Variants in RNLS observed in about 807,000 individuals in gnomAD.
RNLS encodes renalase.
A neutral mutation model predicts 39.8 loss-of-function variants in RNLS; 39 were observed. The ratio of observed to expected loss-of-function variants is 0.98; its 90% CI spans 0.76 to 1.28. RNLS has a LOEUF of 1.28. Among genes scored for constraint, RNLS ranks in the 50% most tolerant of loss-of-function variants. The pLI is 0.00. For synonymous variants in RNLS, 147 were observed against 150.7 expected (o/e 0.98, Z 0.18); for missense variants, 410 against 413.3 (o/e 0.99, Z 0.07).
intron 4 of RNLS, among the ~76,000 whole-genome samples, chr10:88,413,425 A>C (rs1401327777): frequency 2.0e-5 from 3 of 152,196 alleles, no homozygotes; most frequent in Admixed American, 2.0e-4. Flanking sequence ...TGAAAATAGC[A>C]AAGGACAGCG....
At chr10:88,353,630 A>T (rs554322320) in intron 5 of RNLS, among the ~76,000 whole-genome samples, 1 of 152,188 alleles carries the variant, frequency 6.6e-6, no homozygotes, top group Non-Finnish European at 1.5e-5. Context: ...TTTACTTCCA[A>T]CTATGTGGTC....
At chr10:88,266,735 A>ACACACC in the RNLS span, among the ~76,000 whole-genome samples, 9 of 137,374 alleles carry the variant, frequency 6.6e-5, no homozygotes, top group South Asian at 4.6e-4. Flanking sequence ...ACACACACAC[A>ACACACC]CCCCACACAC....
chr10:88,326,542 T>C (rs1846627105), intron 5 of RNLS, among the ~76,000 whole-genome samples: 1 of 152,202 alleles, frequency 6.6e-6, no homozygotes, highest in Admixed American at 6.5e-5. Context: ...GTCTGTGTGC[T>C]CTTAAAAGCA....
chr10:88,221,414 T>A, the RNLS span, among the ~76,000 whole-genome samples: 699 of 152,330 alleles, frequency 4.6e-3, 4 homozygotes, highest in African/African-American at 0.016. Flanking sequence ...ATAAACTGCT[T>A]CTTGCCTGGG....
At chr10:88,253,483 G>A in the RNLS span, among the ~76,000 whole-genome samples, 1 of 152,174 alleles carries the variant, frequency 6.6e-6, no homozygotes, top group Admixed American at 6.5e-5. Context: ...CTGCTGGGGT[G>A]GGTGTGGGAT....
At chr10:88,457,197 C>G (rs1419180726) in intron 4 of RNLS, among the ~76,000 whole-genome samples, 3 of 152,152 alleles carry the variant, frequency 2.0e-5, no homozygotes, top group Non-Finnish European at 4.4e-5. Flanking sequence ...AAGCAGTTTA[C>G]CCCATTTACT....
rs576219129 is a variant in RNLS, at chr10:88,448,318, C to A, written c.527-85593G>T. On this transcript the variant is annotated intron_variant, in intron 4 of 6. Transcript: ENST00000331772. ...AAATTTACAAGAAAAAAACAAACAA[C>A]CCCATCAAAAAGTGGGCAAAAGATA... Among the ~76,000 whole-genome samples the A allele has an allele frequency of 2.6e-5, 4 of 152,236 alleles. No homozygotes were observed. In the South Asian group the frequency reaches 8.3e-4, roughly 32 times the overall value.
chr10:88,418,081 C>CT (rs35536346), intron 4 of RNLS, among the ~76,000 whole-genome samples: 1 of 143,926 alleles, frequency 6.9e-6, no homozygotes, highest in Non-Finnish European at 1.5e-5. Context: ...GAGCTTTTGT[C>CT]TTTTTTTTTT....
intron 4 of RNLS, among the ~76,000 whole-genome samples, chr10:88,474,466 C>T (rs968599645): frequency 1.3e-5 from 2 of 152,134 alleles, no homozygotes; most frequent in African/African-American, 4.8e-5. Context: ...TCCAGTATTC[C>T]CACAACCAAA....
chr10:88,264,655 T>A, the RNLS span, among the ~76,000 whole-genome samples: 1 of 152,254 alleles, frequency 6.6e-6, no homozygotes, highest in African/African-American at 2.4e-5. Context: ...TGTCTATTCA[T>A]GTCCTTAGCC....
At chr10:88,215,968 G>A in the RNLS span, among the ~76,000 whole-genome samples, 1 of 151,978 alleles carries the variant, frequency 6.6e-6, no homozygotes, top group Non-Finnish European at 1.5e-5. Flanking sequence ...TCAAAGTGTT[G>A]GGATTAGGTG....
chr10:88,426,934 A>G (rs1300200908), intron 4 of RNLS, among the ~76,000 whole-genome samples: 2 of 152,044 alleles, frequency 1.3e-5, no homozygotes, highest in Non-Finnish European at 2.9e-5. Context: ...ATTGATGGGA[A>G]GAGCCTACAT....
At chr10:88,330,167 C>G (rs1267347248) in intron 5 of RNLS, among the ~76,000 whole-genome samples, 3 of 148,882 alleles carry the variant, frequency 2.0e-5, no homozygotes, top group Non-Finnish European at 4.4e-5. Context: ...ATATATATTT[C>G]TTTATATATG....
At chr10:88,475,579 A>AAT (rs2133995303) in intron 4 of RNLS, among the ~76,000 whole-genome samples, 1 of 152,206 alleles carries the variant, frequency 6.6e-6, no homozygotes, top group South Asian at 2.1e-4. Flanking sequence ...ATGTCCTTTC[A>AAT]GTCTCTAATC....
At chr10:88,570,759 C>A (rs190551004) in intron 4 of RNLS, among the ~76,000 whole-genome samples, 1 of 152,246 alleles carries the variant, frequency 6.6e-6, no homozygotes, top group South Asian at 2.1e-4. Context: ...CAGATTGTTG[C>A]CAGCTAGGGC....
intron 4 of RNLS, among the ~76,000 whole-genome samples, chr10:88,400,970 AAAT>A (rs1461241531): frequency 5.3e-5 from 8 of 151,910 alleles, no homozygotes; most frequent in African/African-American, 1.7e-4. Context: ...TATAATTTTT[AAAT>A]AATATTCAGT....
At chr10:88,532,307 T>C (rs1254698419) in intron 4 of RNLS, among the ~76,000 whole-genome samples, 2 of 152,080 alleles carry the variant, frequency 1.3e-5, no homozygotes, top group Admixed American at 6.6e-5. Flanking sequence ...CAGAAGATTT[T>C]AGTTATTATA....
At chr10:88,375,740 T>A (rs1435048284) in intron 4 of RNLS, among the ~76,000 whole-genome samples, 1 of 152,178 alleles carries the variant, frequency 6.6e-6, no homozygotes, top group Admixed American at 6.6e-5. Context: ...TGGCTTCCCT[T>A]CAGTCTGCTA....
chr10:88,521,076 G>T (rs1846696592), intron 4 of RNLS, among the ~76,000 whole-genome samples: 1 of 151,848 alleles, frequency 6.6e-6, no homozygotes, highest in Admixed American at 6.6e-5. Flanking sequence ...TCTTAATCCT[G>T]GGTAATCTAT....
Sources: gnomAD v4.1 joint callset for allele counts (sites outside exome capture counted in the v4.1 genomes callset) on GRCh38, gnomAD v4.1.1 for gene constraint, MANE v1.5 for transcripts, NCBI Gene and HGNC (gene_info 2026-07-23, HGNC 2026-07-21) for gene names.